SEMA3A: variants seen among roughly 807,000 people sequenced by gnomAD.
SEMA3A encodes semaphorin 3A.
Under a neutral mutation model 97.9 loss-of-function variants are expected in SEMA3A, and 29 were observed. The observed-to-expected ratio is 0.30, with a 90% CI of 0.22 to 0.40. SEMA3A has a LOEUF of 0.40. Ranked by LOEUF, SEMA3A falls within the 10% of genes least tolerant of loss-of-function variation. The pLI, the probability that SEMA3A is intolerant of heterozygous loss-of-function variation, is 1.00. For missense variants in SEMA3A, 763 were observed against 951.3 expected (o/e 0.80, Z 2.60); for synonymous variants, 321 against 323.7 (o/e 0.99, Z 0.09).
chr7:84,107,666 G>A (rs1274999389), intron 4 of SEMA3A, among the ~76,000 whole-genome samples: 2 of 152,118 alleles, frequency 1.3e-5, no homozygotes, highest in Non-Finnish European at 2.9e-5. Context: ...TCCAGAACCT[G>A]TACCTCTTCA....
At chr7:84,043,060 G>T (rs978739556) in intron 6 of SEMA3A, among the ~76,000 whole-genome samples, 5 of 151,758 alleles carry the variant, frequency 3.3e-5, no homozygotes, top group African/African-American at 1.2e-4. Flanking sequence ...AAAAATACTG[G>T]TACATCATGC....
chr7:84,065,385 C>G (rs1196285096), intron 4 of SEMA3A, among the ~76,000 whole-genome samples: 28 of 146,560 alleles, frequency 1.9e-4, no homozygotes, highest in African/African-American at 7.2e-4. Context: ...CAAACACATT[C>G]AAAAGCTAGC....
At chr7:84,107,072 C>T (rs1795130810) in intron 4 of SEMA3A, among the ~76,000 whole-genome samples, 1 of 152,114 alleles carries the variant, frequency 6.6e-6, no homozygotes, top group Admixed American at 6.6e-5. Context: ...TCCTTGAGAA[C>T]AAAAGTTCAT....
intron 3 of SEMA3A, among the ~76,000 whole-genome samples, chr7:84,271,387 C>A (rs779109775): frequency 4.6e-5 from 7 of 152,058 alleles, no homozygotes; most frequent in Non-Finnish European, 1.0e-4. Context: ...CAAGTACACA[C>A]ATTTAAAGAG....
At chr7:84,414,579 T>C (rs541358230) in intron 1 of SEMA3A, among the ~76,000 whole-genome samples, 3 of 152,078 alleles carry the variant, frequency 2.0e-5, no homozygotes, top group South Asian at 2.1e-4. Context: ...TCTAGTATAA[T>C]AGGAAGTACA....
intron 3 of SEMA3A, among the ~76,000 whole-genome samples, chr7:84,276,036 T>A (rs1242804342): frequency 6.6e-6 from 1 of 152,126 alleles, no homozygotes; most frequent in Non-Finnish European, 1.5e-5. Flanking sequence ...TAACTCACTA[T>A]GTGCCTCAAT....
chr7:84,417,981 T>C (rs1804479845), intron 1 of SEMA3A, among the ~76,000 whole-genome samples: 1 of 152,084 alleles, frequency 6.6e-6, no homozygotes, highest in Non-Finnish European at 1.5e-5. Context: ...GAATGACAGT[T>C]TTTAGGGATT....
At chr7:83,998,132 T>C (rs1790293467) in intron 12 of SEMA3A, among the ~76,000 whole-genome samples, 1 of 151,802 alleles carries the variant, frequency 6.6e-6, no homozygotes, top group African/African-American at 2.4e-5. Flanking sequence ...AAAAATCTAA[T>C]AGATATTAAG....
At chr7:84,134,186 T>C (rs565478088) in intron 2 of SEMA3A, among the ~76,000 whole-genome samples, 2 of 152,346 alleles carry the variant, frequency 1.3e-5, no homozygotes, top group Admixed American at 6.5e-5. Context: ...AAAAATCTGA[T>C]ACTTTGATCT....
At chr7:84,346,528 C>T (rs1341687507) in intron 2 of SEMA3A, among the ~76,000 whole-genome samples, 1 of 152,038 alleles carries the variant, frequency 6.6e-6, no homozygotes, top group African/African-American at 2.4e-5. Flanking sequence ...ATTAATTGGC[C>T]TAATATCAAT....
At chr7:84,177,641 T>G in intron 1 of SEMA3A, among the ~76,000 whole-genome samples, 1 of 152,270 alleles carries the variant, frequency 6.6e-6, no homozygotes, top group Non-Finnish European at 1.5e-5. Context: ...TTAAATATCC[T>G]CTACAAAAGT....
chr7:83,989,978 TG>T (rs1257584693), intron 12 of SEMA3A, among the ~76,000 whole-genome samples: 1 of 151,964 alleles, frequency 6.6e-6, no homozygotes, highest in Admixed American at 6.6e-5. Flanking sequence ...CTCCAGCACC[TG>T]TTGTTTCCTG....
intron 3 of SEMA3A, among the ~76,000 whole-genome samples, chr7:84,295,419 A>G (rs1018960951): frequency 6.6e-6 from 1 of 152,050 alleles, no homozygotes; most frequent in Non-Finnish European, 1.5e-5. Flanking sequence ...AAATTTTTCA[A>G]AAGAATACAT....
intron 3 of SEMA3A, among the ~76,000 whole-genome samples, chr7:84,299,526 T>C (rs1019104332): frequency 2.0e-5 from 3 of 151,384 alleles, no homozygotes; most frequent in Non-Finnish European, 4.4e-5. Flanking sequence ...ACCTCTTCCA[T>C]ACCCAGTCTA....
At chr7:84,091,208 G>GAAAGAAAGAAAGAAAGAAAT (rs1562774518) in intron 4 of SEMA3A, among the ~76,000 whole-genome samples, 1 of 69,218 alleles carries the variant, frequency 1.4e-5, no homozygotes, top group African/African-American at 4.9e-5. Context: ...AAGAAAGAAA[G>GAAAGAAAGAAAGAAAGAAAT]AAAGAAAAGA....
intron 12 of SEMA3A, among the ~76,000 whole-genome samples, chr7:83,990,201 G>A (rs1235636603): frequency 6.6e-6 from 1 of 151,818 alleles, no homozygotes; most frequent in Non-Finnish European, 1.5e-5. Flanking sequence ...TGAGTTCATT[G>A]TAGATTCTGG....
intron 2 of SEMA3A, among the ~76,000 whole-genome samples, chr7:84,360,169 G>T (rs1012000412): frequency 2.6e-5 from 4 of 151,866 alleles, no homozygotes; most frequent in African/African-American, 9.7e-5. Context: ...GTTATTTTCT[G>T]CCTTCTGCTA....
chr7:84,056,212 T>C (rs1460797932), intron 5 of SEMA3A, among the ~76,000 whole-genome samples: 1 of 152,112 alleles, frequency 6.6e-6, no homozygotes, highest in Non-Finnish European at 1.5e-5. Flanking sequence ...CATACTTTAC[T>C]GAGATGAACA....
chr7:84,386,995 G>T (rs897420571), intron 1 of SEMA3A, among the ~76,000 whole-genome samples: 2 of 135,362 alleles, frequency 1.5e-5, no homozygotes, highest in Non-Finnish European at 3.1e-5. Flanking sequence ...GCAATGCTCC[G>T]TCTCAAAAAA....
Sources: gnomAD v4.1 joint callset for allele counts (sites outside exome capture counted in the v4.1 genomes callset) on GRCh38, gnomAD v4.1.1 for gene constraint, MANE v1.5 for transcripts, NCBI Gene and HGNC (gene_info 2026-07-23, HGNC 2026-07-21) for gene names.